The following RUFY4 variants were observed in gnomAD, a reference collection of about 807,000 sequenced individuals.
The protein encoded by RUFY4 is RUN and FYVE domain containing 4, also known as RUN and FYVE domain-containing protein 4.
Under a neutral mutation model 69.0 loss-of-function variants are expected in RUFY4, and 73 were observed. The ratio of observed to expected loss-of-function variants is 1.06; its 90% CI spans 0.88 to 1.29. RUFY4 has a LOEUF of 1.29. Among genes scored for constraint, RUFY4 ranks in the 50% most tolerant of loss-of-function variants. The pLI, the probability that RUFY4 is intolerant of heterozygous loss-of-function variation, is 0.00. For missense variants in RUFY4, 770 were observed against 705.6 expected (o/e 1.09, Z -1.03); for synonymous variants, 287 against 271.8 (o/e 1.06, Z -0.55).
chr2:218,062,864 G>T (rs1473843554), intron 3 of RUFY4, among the ~76,000 whole-genome samples: 1 of 152,218 alleles, frequency 6.6e-6, no homozygotes, highest in Non-Finnish European at 1.5e-5. Flanking sequence ...GACACAGCCA[G>T]CCTGCACCCC....
At chr2:218,057,573 G>T (rs1193168076) in intron 2 of RUFY4, among the ~76,000 whole-genome samples, 1 of 152,020 alleles carries the variant, frequency 6.6e-6, no homozygotes, top group Non-Finnish European at 1.5e-5. Context: ...TATAAGACCT[G>T]CCTGTTTTAA....
intron 6 of RUFY4, among the ~76,000 whole-genome samples, chr2:218,074,134 G>C (rs905893261): frequency 5.9e-5 from 9 of 152,082 alleles, no homozygotes; most frequent in African/African-American, 2.2e-4. Context: ...CGGAGCCACT[G>C]GGCCCAGACA....
chr2:218,072,887 T>C lies in RUFY4; in HGVS notation c.386+2T>C, dbSNP rs1247482698. 6.6e-7 allele frequency: 1 copy of C among 1,514,778 alleles called. No homozygotes were observed. The highest frequency in any genetic ancestry group is 2.2e-5 in the Admixed American group (1 of 45,908). 93.8% of individuals were successfully genotyped at this position (1,514,778 alleles called of 1,614,324 possible). A position where few individuals can be genotyped will look rare whatever the true frequency, so the allele number is the denominator to read the frequency against. Reference sequence around the variant, plus strand: ...CCTCCTGAACTCAGAGCTCACCAGGTGGGGCTGTTGGGACATCCTCCTGCC... The same window carrying C: ...CCTCCTGAACTCAGAGCTCACCAGGCGGGGCTGTTGGGACATCCTCCTGCC... On this transcript the variant is annotated splice_donor_variant, in intron 4 of 10. Transcript: ENST00000344321. LOFTEE classifies it high-confidence loss of function.
intron 2 of RUFY4, among the ~76,000 whole-genome samples, chr2:218,043,472 A>G (rs755094966): frequency 6.6e-6 from 1 of 150,678 alleles, no homozygotes; most frequent in Non-Finnish European, 1.5e-5. Context: ...TCATCCCAAC[A>G]TCTGTTCAGC....
chr2:218,039,905 T>C (rs1476708241), intron 2 of RUFY4, among the ~76,000 whole-genome samples: 5 of 152,168 alleles, frequency 3.3e-5, no homozygotes, highest in Non-Finnish European at 7.3e-5. Flanking sequence ...GCCTGAAAAG[T>C]AAGTAAAGAT....
At chr2:218,063,714 G>A (rs982940816) in intron 3 of RUFY4, among the ~76,000 whole-genome samples, 7 of 152,234 alleles carry the variant, frequency 4.6e-5, no homozygotes, top group African/African-American at 1.7e-4. Flanking sequence ...GGGTGTGAGC[G>A]AGGGGCACAG....
At chr2:218,078,217 T>C (rs1689680636) in intron 8 of RUFY4, among the ~76,000 whole-genome samples, 1 of 152,194 alleles carries the variant, frequency 6.6e-6, no homozygotes, top group Non-Finnish European at 1.5e-5. Flanking sequence ...GAAGAAGACA[T>C]AAAGCAGACA....
chr2:218,071,098 G>A (rs758192599), intron 2 of RUFY4, among the ~76,000 whole-genome samples: 2 of 152,152 alleles, frequency 1.3e-5, no homozygotes, highest in African/African-American at 2.4e-5. Flanking sequence ...AGACCTGGGG[G>A]CAACCCCCAC....
chr2:218,077,358 A>G (rs958268741), intron 8 of RUFY4, among the ~76,000 whole-genome samples: 2 of 151,890 alleles, frequency 1.3e-5, no homozygotes, highest in African/African-American at 4.8e-5. Context: ...TCAGTCTCTC[A>G]GGTCTCAGTT....
upstream of RUFY4, chr2:218,068,970 C>G (rs1487394653): frequency 1.3e-5 from 2 of 152,506 alleles, no homozygotes; most frequent in African/African-American, 4.8e-5. Flanking sequence ...TCCCTCTGCC[C>G]CCTGGTGGTG....
At chr2:218,085,944 C>T (rs920260330) in intron 9 of RUFY4, among the ~76,000 whole-genome samples, 4 of 152,044 alleles carry the variant, frequency 2.6e-5, no homozygotes, top group Admixed American at 1.3e-4. Context: ...AACCAAGGAT[C>T]CCCAGATATT....
At chr2:218,045,808 A>ATTT (rs35070780) in intron 2 of RUFY4, among the ~76,000 whole-genome samples, 1 of 146,630 alleles carries the variant, frequency 6.8e-6, no homozygotes, top group Non-Finnish European at 1.5e-5. Context: ...GTACATAGTG[A>ATTT]TTTTTTTTTT....
intron 3 of RUFY4, among the ~76,000 whole-genome samples, chr2:218,063,102 A>C (rs1215510309): frequency 1.3e-5 from 2 of 152,198 alleles, no homozygotes; most frequent in African/African-American, 2.4e-5. Context: ...GGTGGGCTGA[A>C]GCCATTCAAA....
At chr2:218,075,569 A>G in exon 7 of RUFY4, 1 of 1,528,682 alleles carries the variant, frequency 6.5e-7, no homozygotes, top group Non-Finnish European at 8.8e-7. Context: ...GAGCAGTATC[A>G]GGGAGCAGGC....
At chr2:218,075,324 G>A (rs866517808) in exon 7 of RUFY4, 1 of 1,610,172 alleles carries the variant, frequency 6.2e-7, no homozygotes, top group Non-Finnish European at 8.5e-7. Flanking sequence ...GCTAGACCAG[G>A]AGGAAAGAGC....
At chr2:218,084,392 A>G (rs980935668) in intron 9 of RUFY4, among the ~76,000 whole-genome samples, 4 of 151,910 alleles carry the variant, frequency 2.6e-5, no homozygotes, top group Non-Finnish European at 5.9e-5. Flanking sequence ...CCACCATGCC[A>G]GGCTAATTTT....
chr2:218,067,845 A>G (rs1268952519), upstream of RUFY4, among the ~76,000 whole-genome samples: 1 of 152,090 alleles, frequency 6.6e-6, no homozygotes, highest in African/African-American at 2.4e-5. Flanking sequence ...GCCTGGCCCA[A>G]CAGGCACCCC....
In RUFY4 at chr2:218,090,008, G is replaced by A. The variant is rs770466964; in HGVS notation, c.1670G>A (p.Arg557His). 7.3e-5 allele frequency: 115 copies of A among 1,566,438 alleles called. No individual in the cohort carries two copies. The highest frequency in any genetic ancestry group is 1.7e-4 in the Admixed American group (9 of 53,352). ...TCCATGGATTACAAGAAGAGAGACC[G>A]CTGCTGCCCACCCTGCGCCCAGGGA... The change falls in exon 11 of 11, where the codon CGC becomes CAC. Residue 557 changes from arginine to histidine, a missense_variant. By Grantham distance (29) the Arg-to-His change is conservative. Coordinates refer to ENST00000344321, the Ensembl canonical transcript of RUFY4.
intron 3 of RUFY4, chr2:218,060,375 A>G: frequency 6.5e-7 from 1 of 1,549,430 alleles, no homozygotes. Context: ...AAGAAGAGCC[A>G]ACAAAGGAAG....
Sources: allele counts gnomAD v4.1 joint callset (sites outside exome capture counted in the v4.1 genomes callset), GRCh38; gene constraint gnomAD v4.1.1; transcripts MANE v1.5; gene names NCBI Gene and HGNC (gene_info 2026-07-23, HGNC 2026-07-21).